The following PSD3 variants were observed in gnomAD, a reference collection of about 807,000 sequenced individuals.
PSD3 encodes pleckstrin and Sec7 domain containing 3, also known as PH and SEC7 domain-containing protein 3.
Under a neutral mutation model 105.5 loss-of-function variants are expected in PSD3, and 49 were observed. That is an observed-to-expected ratio of 0.46 (90% CI 0.37 to 0.59). PSD3 has a LOEUF of 0.59. Among genes scored for constraint, PSD3 ranks in the 20% least tolerant of loss-of-function variants. PSD3 has a pLI of 0.00. For missense variants in PSD3, 1,561 were observed against 1,263.8 expected (o/e 1.24, Z -3.57); for synonymous variants, 557 against 457.8 (o/e 1.22, Z -2.77).
intron 1 of PSD3, among the ~76,000 whole-genome samples, chr8:18,945,554 T>C (rs1289810607): frequency 1.3e-5 from 2 of 152,242 alleles, no homozygotes; most frequent in Non-Finnish European, 2.9e-5. Flanking sequence ...AAATCTCTGT[T>C]GCTTTAAGCC....
chr8:18,801,941 T>C (rs767572331), intron 6 of PSD3, among the ~76,000 whole-genome samples: 1 of 152,062 alleles, frequency 6.6e-6, no homozygotes, highest in East Asian at 1.9e-4. Context: ...AAGTGTCAAG[T>C]AGCCAATTTT....
intron 9 of PSD3, among the ~76,000 whole-genome samples, chr8:18,696,496 C>T (rs765268715): frequency 1.3e-5 from 2 of 152,212 alleles, no homozygotes; most frequent in Non-Finnish European, 2.9e-5. Context: ...GCCTGTTTTA[C>T]TAAGCAGCAC....
rs189477982 is a variant in PSD3, at chr8:19,019,212, G to T, written c.324+64994C>A. Among the ~76,000 whole-genome samples, 302 of 152,132 alleles carry T rather than the reference G, an allele frequency of 2.0e-3. 1 individual carries two copies. The highest frequency in any genetic ancestry group is 2.9e-3 in the Admixed American group (44 of 15,284). On this transcript the variant is annotated intron_variant, in intron 1 of 1. Transcript: ENST00000521475. ...TCATGAAAACAGATGAGTTCCCCAG[G>T]CTTCAGGTTAATGCTTTAAACTTAA...
intron 10 of PSD3, 25 bp downstream of exon 10, chr8:18,655,617 A>G: frequency 1.9e-6 from 3 of 1,610,306 alleles, no homozygotes; most frequent in Non-Finnish European, 2.5e-6. Flanking sequence ...TTCATTATTA[A>G]AAGGCTGACG....
chr8:18,873,257 T>C (rs187187820), intron 2 of PSD3, among the ~76,000 whole-genome samples: 7 of 152,304 alleles, frequency 4.6e-5, no homozygotes, highest in Admixed American at 2.0e-4. Flanking sequence ...CCCTTCATTG[T>C]TGGGTTTCTG....
At chr8:18,694,379 G>C (rs1272114730) in intron 9 of PSD3, among the ~76,000 whole-genome samples, 2 of 152,250 alleles carry the variant, frequency 1.3e-5, no homozygotes, top group Admixed American at 1.3e-4. Context: ...AGAAGGCTGA[G>C]GCAGGTGGAT....
At chr8:18,562,183 G>A (rs1370335366) in intron 14 of PSD3, among the ~76,000 whole-genome samples, 1 of 152,094 alleles carries the variant, frequency 6.6e-6, no homozygotes, top group African/African-American at 2.4e-5. Context: ...ATAAGAAGAG[G>A]GAACAGCCAC....
intron 8 of PSD3, among the ~76,000 whole-genome samples, chr8:18,785,395 C>A (rs1343020796): frequency 1.3e-5 from 2 of 152,138 alleles, no homozygotes; most frequent in African/African-American, 2.4e-5. Flanking sequence ...GAACCAAGTT[C>A]TCCTAGCTTC....
At chr8:18,921,279 T>C (rs1314027171) in intron 2 of PSD3, among the ~76,000 whole-genome samples, 2 of 152,226 alleles carry the variant, frequency 1.3e-5, no homozygotes, top group Non-Finnish European at 2.9e-5. Flanking sequence ...GATTCCAAAA[T>C]GCATCCTTTT....
chr8:18,618,782 G>A (rs1265503711), intron 11 of PSD3, among the ~76,000 whole-genome samples: 1 of 152,010 alleles, frequency 6.6e-6, no homozygotes, highest in Non-Finnish European at 1.5e-5. Context: ...CTGGGCTCAA[G>A]CAATCCTCCC....
intron 9 of PSD3, among the ~76,000 whole-genome samples, chr8:18,750,254 G>T (rs1363133133): frequency 6.6e-6 from 1 of 152,160 alleles, no homozygotes; most frequent in Non-Finnish European, 1.5e-5. Flanking sequence ...GAGTGCTACA[G>T]CTCTTAAGGT....
At chr8:18,798,686 A>G (rs988131890) in intron 8 of PSD3, among the ~76,000 whole-genome samples, 2 of 132,960 alleles carry the variant, frequency 1.5e-5, no homozygotes, top group East Asian at 1.9e-4. Context: ...AAATTACTTC[A>G]TAGTCCCAGG....
chr8:18,621,372 C>T (rs1482314463), intron 11 of PSD3, among the ~76,000 whole-genome samples: 2 of 152,194 alleles, frequency 1.3e-5, no homozygotes, highest in Non-Finnish European at 1.5e-5. Flanking sequence ...CGTGCCACTG[C>T]ACTCCAGCCT....
intron 12 of PSD3, among the ~76,000 whole-genome samples, chr8:18,599,721 G>A (rs1400320054): frequency 1.3e-5 from 2 of 152,066 alleles, no homozygotes; most frequent in South Asian, 2.1e-4. Context: ...CGTGAAACCC[G>A]AGTATGCAGA....
chr8:18,737,048 T>G (rs1464049761), intron 9 of PSD3, among the ~76,000 whole-genome samples: 1 of 152,204 alleles, frequency 6.6e-6, no homozygotes, highest in Non-Finnish European at 1.5e-5. Context: ...TCATCTGCTT[T>G]TGTGGTTTAG....
chr8:19,009,006 T>G (rs192388053), intron 1 of PSD3, among the ~76,000 whole-genome samples: 1 of 152,348 alleles, frequency 6.6e-6, no homozygotes, highest in East Asian at 1.9e-4. Flanking sequence ...GAAATTAAAT[T>G]AGAAATTAAA....
intron 1 of PSD3, among the ~76,000 whole-genome samples, chr8:19,073,940 G>A (rs1479253482): frequency 1.3e-5 from 2 of 151,858 alleles, no homozygotes; most frequent in Non-Finnish European, 2.9e-5. Flanking sequence ...ACAGGCGCCT[G>A]CCACCACGCC....
chr8:18,917,960 G>A (rs1820733742), intron 2 of PSD3, among the ~76,000 whole-genome samples: 2 of 152,088 alleles, frequency 1.3e-5, no homozygotes, highest in South Asian at 2.1e-4. Context: ...TCCTAACAAG[G>A]TTCACTGCCT....
At chr8:18,645,412 T>C (rs953283117) in intron 10 of PSD3, among the ~76,000 whole-genome samples, 3 of 152,220 alleles carry the variant, frequency 2.0e-5, no homozygotes, top group African/African-American at 7.2e-5. Context: ...TTTAGTTCAA[T>C]ATTTCCTTCA....
Sources: gnomAD v4.1 joint callset for allele counts (sites outside exome capture counted in the v4.1 genomes callset) on GRCh38, gnomAD v4.1.1 for gene constraint, MANE v1.5 for transcripts, NCBI Gene and HGNC (gene_info 2026-07-23, HGNC 2026-07-21) for gene names.